CNTN3: variants seen among roughly 807,000 people sequenced by gnomAD.
CNTN3 encodes contactin 3.
A neutral mutation model predicts 119.1 loss-of-function variants in CNTN3; 60 were observed. That is an observed-to-expected ratio of 0.50 (90% CI 0.41 to 0.62). The LOEUF is 0.62. Ranked by LOEUF, CNTN3 falls within the 20% of genes least tolerant of loss-of-function variation. The pLI, the probability that CNTN3 is intolerant of heterozygous loss-of-function variation, is 0.00. For missense variants in CNTN3, 1,101 were observed against 1,242.4 expected (o/e 0.89, Z 1.71); for synonymous variants, 450 against 438.7 (o/e 1.03, Z -0.32).
chr3:74,398,621 T>A (rs898418016), intron 5 of CNTN3, among the ~76,000 whole-genome samples: 1 of 152,226 alleles, frequency 6.6e-6, no homozygotes, highest in Non-Finnish European at 1.5e-5. Context: ...TTTTTCCCCA[T>A]GTTTTTTGTC....
At chr3:74,521,704 G>C (rs1703546150) in intron 1 of CNTN3, among the ~76,000 whole-genome samples, 4 of 151,780 alleles carry the variant, frequency 2.6e-5, no homozygotes, top group Non-Finnish European at 5.9e-5. Context: ...TGTATGCTGT[G>C]TAAAACAGAT....
intron 20 of CNTN3, among the ~76,000 whole-genome samples, chr3:74,278,891 G>A (rs1293076321): frequency 1.3e-5 from 2 of 151,414 alleles, no homozygotes; most frequent in Admixed American, 6.6e-5. Context: ...AATCTACAAC[G>A]AACTCAAATC....
chr3:74,444,176 C>A (rs1489674951), intron 4 of CNTN3, among the ~76,000 whole-genome samples: 1 of 151,980 alleles, frequency 6.6e-6, no homozygotes, highest in African/African-American at 2.4e-5. Flanking sequence ...AGTGGCCCAC[C>A]CCACTCTAGT....
rs1205529653 is a variant in CNTN3, at chr3:74,263,498, G to A, written c.*903C>T. 6.6e-6 allele frequency: 1 copy of A among 151,856 alleles called. No individual in the cohort carries two copies. Among genetic ancestry groups the A allele is most frequent in the Non-Finnish European group, 1.5e-5 (1 of 67,948 alleles). 9.4% of individuals were successfully genotyped at this position (151,856 alleles called of 1,614,324 possible). A position where few individuals can be genotyped will look rare whatever the true frequency, so the allele number is the denominator to read the frequency against. On this transcript the variant is annotated 3_prime_UTR_variant, in exon 23 of 23. Transcript: ENST00000263665. ...CTGAAAGCTTATTCATAGCTGTGAA[G>A]GAAACAATTCCTTTTTTAATTTAAA...
At chr3:74,371,947 G>T (rs1704350368) in intron 5 of CNTN3, among the ~76,000 whole-genome samples, 1 of 151,984 alleles carries the variant, frequency 6.6e-6, no homozygotes. Flanking sequence ...CCTGTCTTTG[G>T]CTTTCTCTAC....
At chr3:74,484,216 G>A (rs1299749309) in intron 4 of CNTN3, among the ~76,000 whole-genome samples, 1 of 152,122 alleles carries the variant, frequency 6.6e-6, no homozygotes, top group East Asian at 1.9e-4. Context: ...GACAAAGACT[G>A]AGTTTAGACA....
intron 1 of CNTN3, among the ~76,000 whole-genome samples, chr3:74,600,246 A>C (rs959151048): frequency 2.4e-4 from 37 of 152,098 alleles, no homozygotes; most frequent in African/African-American, 8.7e-4. Context: ...CTGAAAAGCA[A>C]ACTCAATTTC....
Position 74,375,462 on chromosome 3 carries a change from T to G in CNTN3, c.455-4063A>C, listed in dbSNP as rs563846390. On this transcript the variant is annotated intron_variant, in intron 5 of 22. Coordinates refer to ENST00000263665, the MANE Select transcript of CNTN3 (RefSeq NM_020872.3). ...TTCTAATGCCTGAAACCTGAAAATA[T>G]GTTACTTGACATGACAAGGGGTAAT... Among the ~76,000 whole-genome samples, 6 of 152,214 alleles carry G rather than the reference T, an allele frequency of 3.9e-5. 1 individual carries two copies. Among genetic ancestry groups the G allele is most frequent in the African/African-American group, 1.4e-4 (6 of 41,538 alleles).
chr3:74,487,452 C>T (rs953794130), intron 3 of CNTN3, among the ~76,000 whole-genome samples: 10 of 152,044 alleles, frequency 6.6e-5, no homozygotes, highest in African/African-American at 2.4e-4. Context: ...AATTACACTG[C>T]CATCAGTTCT....
chr3:74,408,099 T>C (rs1212205999), intron 5 of CNTN3, among the ~76,000 whole-genome samples: 2 of 152,192 alleles, frequency 1.3e-5, no homozygotes, highest in African/African-American at 4.8e-5. Context: ...AGGTAGGACC[T>C]TGAGAGGTCA....
chr3:74,292,722 T>C (rs371783013), intron 19 of CNTN3, among the ~76,000 whole-genome samples: 1 of 152,232 alleles, frequency 6.6e-6, no homozygotes. Flanking sequence ...ACAGAGTTTA[T>C]GTAATTTTCC....
rs528409270 is a variant in CNTN3 at position 74,520,926 on chromosome 3, C to T, written c.55+132G>A. Reference sequence around the variant, plus strand: ...TATCAGATTAGAGAATTTAAATTTTCCTTTTGGGAGGAAAAACATTTGTTT... The same window carrying T: ...TATCAGATTAGAGAATTTAAATTTTTCTTTTGGGAGGAAAAACATTTGTTT... On this transcript the variant is annotated intron_variant, in intron 2 of 22. Transcript: ENST00000263665. 1.7e-5 allele frequency: 8 copies of T among 484,614 alleles called. No individual in the cohort carries two copies. In the South Asian group the frequency reaches 3.2e-4, roughly 20 times the overall value. The allele number at this position is 484,614 out of a possible 1,614,324, so 30.0% of individuals were successfully genotyped here. A position where few individuals can be genotyped will look rare whatever the true frequency, so the allele number is the denominator to read the frequency against.
intron 5 of CNTN3, among the ~76,000 whole-genome samples, chr3:74,373,796 C>G (rs1017773076): frequency 3.9e-5 from 6 of 151,982 alleles, no homozygotes; most frequent in African/African-American, 1.4e-4. Flanking sequence ...GTGGCTTTGC[C>G]TATATGACAC....
chr3:74,492,106 T>C (rs1465191275), intron 3 of CNTN3, among the ~76,000 whole-genome samples: 1 of 152,222 alleles, frequency 6.6e-6, no homozygotes, highest in South Asian at 2.1e-4. Flanking sequence ...CACACTTGAA[T>C]GATCCTACAA....
At position 74,267,376 on chromosome 3, in the gene CNTN3, G is replaced by A; in HGVS notation, c.2707C>T (p.Pro903Ser). The A allele has an allele frequency of 1.9e-6, 3 of 1,607,978 alleles. No homozygotes were observed. The highest frequency in any genetic ancestry group is 2.6e-6 in the Non-Finnish European group (3 of 1,174,774). Reference protein sequence around the residue: ...TVNVTTKKTPPSQPPGNVVWN... With the variant: ...TVNVTTKKTPSSQPPGNVVWN... ...ACAACATTTCCTGGTGGCTGACTGG[G>A]AGCTTGAAATGCAAAATGAGAAATT... The change falls in exon 21 of 23, where the codon CCC becomes TCC. Residue 903 changes from proline (P) to serine (S), a missense_variant and splice_region_variant. Pro to Ser is a moderately conservative substitution (Grantham distance 74). Coordinates refer to ENST00000263665, the MANE Select transcript of CNTN3 (RefSeq NM_020872.3).
intron 11 of CNTN3, among the ~76,000 whole-genome samples, chr3:74,340,879 C>T (rs1442582257): frequency 6.6e-6 from 1 of 152,086 alleles, no homozygotes; most frequent in Admixed American, 6.6e-5. Context: ...TAGGTAATTT[C>T]AGGTATCTTC....
chr3:74,409,663 A>T lies in CNTN3; in HGVS notation c.454+15182T>A, dbSNP rs184268252. 3.2e-3 allele frequency among the ~76,000 whole-genome samples: 493 copies of T among 152,252 alleles called. 1 individual carries two copies. Among genetic ancestry groups the T allele is most frequent in the African/African-American group, 0.011 (442 of 41,550 alleles). On this transcript the variant is annotated intron_variant, in intron 5 of 22. Transcript: ENST00000263665. Reference sequence around the variant, plus strand: ...ACTATTCTTTGGACAGAACTGTCTCATATTTTTTGTTTTAACTTTTCTCTA... The same window carrying T: ...ACTATTCTTTGGACAGAACTGTCTCTTATTTTTTGTTTTAACTTTTCTCTA...
At chr3:74,321,197 T>C (rs1441017450) in intron 13 of CNTN3, among the ~76,000 whole-genome samples, 3 of 152,184 alleles carry the variant, frequency 2.0e-5, no homozygotes, top group Non-Finnish European at 4.4e-5. Context: ...ACCTGGGTGA[T>C]GGATTCAAAT....
intron 1 of CNTN3, among the ~76,000 whole-genome samples, chr3:74,558,069 A>C (rs2107170309): frequency 6.6e-6 from 1 of 152,322 alleles, no homozygotes; most frequent in Non-Finnish European, 1.5e-5. Context: ...GCCCTCGGCC[A>C]GAGTTGCCCC....
Sources: allele counts gnomAD v4.1 joint callset (sites outside exome capture counted in the v4.1 genomes callset), GRCh38; gene constraint gnomAD v4.1.1; transcripts MANE v1.5; gene names NCBI Gene and HGNC (gene_info 2026-07-23, HGNC 2026-07-21).